The following SPOCK1 variants were observed in gnomAD, a reference collection of about 807,000 sequenced individuals.
The protein encoded by SPOCK1 is SPARC (osteonectin), cwcv and kazal like domains proteoglycan 1, also known as testican-1.
Under a neutral mutation model 55.3 loss-of-function variants are expected in SPOCK1, and 23 were observed. The observed-to-expected ratio is 0.42, with a 90% CI of 0.30 to 0.59. The LOEUF is 0.59. SPOCK1 is among the 20% of genes least tolerant of loss of function. The pLI, the probability that SPOCK1 is intolerant of heterozygous loss-of-function variation, is 0.22. For synonymous variants in SPOCK1, 226 were observed against 221.0 expected, an observed-to-expected ratio of 1.02 and a Z score of -0.20; for missense variants, 499 against 552.5, an observed-to-expected ratio of 0.90 and a Z score of 0.97.
intron 4 of SPOCK1, among the ~76,000 whole-genome samples, chr5:137,123,607 C>A (rs1236051461): frequency 6.6e-6 from 1 of 152,140 alleles, no homozygotes; most frequent in African/African-American, 2.4e-5. Flanking sequence ...TCTACCTAGA[C>A]CGTGTTGAAG....
intron 2 of SPOCK1, among the ~76,000 whole-genome samples, chr5:137,372,966 A>G (rs1267513980): frequency 6.6e-6 from 1 of 152,206 alleles, no homozygotes; most frequent in African/African-American, 2.4e-5. Context: ...GTCCACCCTC[A>G]TGAATGGATT....
chr5:137,202,661 T>C (rs1179120643), intron 3 of SPOCK1, among the ~76,000 whole-genome samples: 1 of 152,236 alleles, frequency 6.6e-6, no homozygotes, highest in Non-Finnish European at 1.5e-5. Context: ...TAGTTAGGTG[T>C]TCACAGGCTG....
intron 2 of SPOCK1, among the ~76,000 whole-genome samples, chr5:137,485,413 C>T (rs1754035224): frequency 6.6e-6 from 1 of 152,182 alleles, no homozygotes; most frequent in Non-Finnish European, 1.5e-5. Flanking sequence ...TTTAATTTCT[C>T]AATCAGTGAA....
chr5:137,146,479 C>A (rs904006206), intron 3 of SPOCK1, among the ~76,000 whole-genome samples: 1 of 152,164 alleles, frequency 6.6e-6, no homozygotes, highest in Non-Finnish European at 1.5e-5. Context: ...CTGAGTCATG[C>A]GATCCCAAGG....
intron 3 of SPOCK1, among the ~76,000 whole-genome samples, chr5:137,195,963 G>C (rs1455392015): frequency 6.6e-6 from 1 of 152,128 alleles, no homozygotes; most frequent in East Asian, 1.9e-4. Context: ...CCTCATCCTG[G>C]GCATGTGGAA....
At chr5:137,168,957 C>G (rs566732811) in intron 3 of SPOCK1, among the ~76,000 whole-genome samples, 1 of 152,058 alleles carries the variant, frequency 6.6e-6, no homozygotes. Context: ...AAGTGTCTAT[C>G]GACAGATGAA....
At chr5:137,241,673 C>T (rs1756284822) in intron 3 of SPOCK1, among the ~76,000 whole-genome samples, 1 of 152,094 alleles carries the variant, frequency 6.6e-6, no homozygotes, top group South Asian at 2.1e-4. Flanking sequence ...CCCTTTTGCC[C>T]TTCAGCCATG....
At chr5:137,351,309 C>T (rs1333271821) in intron 2 of SPOCK1, among the ~76,000 whole-genome samples, 1 of 152,216 alleles carries the variant, frequency 6.6e-6, no homozygotes, top group East Asian at 1.9e-4. Context: ...AGTGCTTGGC[C>T]ACTCAGGCTC....
chr5:137,404,256 T>C (rs1468253968), intron 2 of SPOCK1, among the ~76,000 whole-genome samples: 2 of 152,230 alleles, frequency 1.3e-5, no homozygotes, highest in African/African-American at 4.8e-5. Flanking sequence ...GGGCAGCTGC[T>C]ACGACAGCCA....
intron 7 of SPOCK1, among the ~76,000 whole-genome samples, chr5:136,990,123 GA>G (rs1200486713): frequency 6.6e-6 from 1 of 152,020 alleles, no homozygotes; most frequent in Non-Finnish European, 1.5e-5. Flanking sequence ...TGTTAGCCAG[GA>G]TGGTCTCGAT....
At chr5:137,309,018 A>AT (rs368413535) in intron 2 of SPOCK1, among the ~76,000 whole-genome samples, 16 of 152,184 alleles carry the variant, frequency 1.1e-4, no homozygotes, top group South Asian at 2.1e-4. Flanking sequence ...GAGATGCTGG[A>AT]TTTTTTCCCC....
chr5:137,041,532 C>T (rs560364894), intron 6 of SPOCK1, among the ~76,000 whole-genome samples: 100 of 152,152 alleles, frequency 6.6e-4, no homozygotes, highest in African/African-American at 2.4e-3. Flanking sequence ...AAAAGCAAGC[C>T]ACAACCTCAA....
At chr5:137,419,136 C>T (rs1167151733) in intron 2 of SPOCK1, among the ~76,000 whole-genome samples, 4 of 152,148 alleles carry the variant, frequency 2.6e-5, no homozygotes, top group African/African-American at 9.7e-5. Flanking sequence ...TTTCTGACGG[C>T]TCTGTTCTGT....
In SPOCK1 at chr5:137,457,394, G is replaced by T. The variant is rs1253889845; in HGVS notation, c.186+40979C>A. On this transcript the variant is annotated intron_variant, in intron 2 of 10. Transcript: ENST00000394945. Reference sequence around the variant, plus strand: ...AGACTGATGAATAATATCAGTGTGGGGCAGTGGGAGAGCATGAGCAGCTTT... The same window carrying T: ...AGACTGATGAATAATATCAGTGTGGTGCAGTGGGAGAGCATGAGCAGCTTT... 6.6e-5 allele frequency among the ~76,000 whole-genome samples: 10 copies of T among 152,140 alleles called. No homozygotes were observed. The South Asian group carries it at 2.1e-3, about 32-fold the overall frequency.
At chr5:137,066,433 C>T (rs923165103) in intron 6 of SPOCK1, among the ~76,000 whole-genome samples, 1 of 152,186 alleles carries the variant, frequency 6.6e-6, no homozygotes, top group African/African-American at 2.4e-5. Context: ...GCCACCACAC[C>T]CGGCTGGCAA....
intron 5 of SPOCK1, among the ~76,000 whole-genome samples, chr5:137,094,086 G>C (rs945947356): frequency 6.6e-6 from 1 of 152,198 alleles, no homozygotes; most frequent in African/African-American, 2.4e-5. Context: ...AGAAGACAAG[G>C]CTTGCTAAGG....
intron 2 of SPOCK1, among the ~76,000 whole-genome samples, chr5:137,409,890 G>A (rs191437783): frequency 2.0e-5 from 3 of 152,322 alleles, no homozygotes; most frequent in Non-Finnish European, 4.4e-5. Flanking sequence ...TGGTTGAATG[G>A]AAATTCAGTT....
chr5:137,314,107 C>T (rs182923747), intron 2 of SPOCK1, among the ~76,000 whole-genome samples: 15 of 151,880 alleles, frequency 9.9e-5, no homozygotes, highest in African/African-American at 2.9e-4. Context: ...TGCCCAGGGG[C>T]TTTATCCCAG....
chr5:137,228,914 C>T (rs1755999290), intron 3 of SPOCK1, among the ~76,000 whole-genome samples: 2 of 152,182 alleles, frequency 1.3e-5, no homozygotes, highest in African/African-American at 2.4e-5. Flanking sequence ...TCTGCAATCC[C>T]GCATTGGTCT....
Sources: allele counts gnomAD v4.1 joint callset (sites outside exome capture counted in the v4.1 genomes callset), GRCh38; gene constraint gnomAD v4.1.1; transcripts MANE v1.5; gene names NCBI Gene and HGNC (gene_info 2026-07-23, HGNC 2026-07-21).